The following FMO2 variants were observed in gnomAD, a reference collection of about 807,000 sequenced individuals.
The protein encoded by FMO2 is flavin containing dimethylaniline monoxygenase 2, also known as flavin-containing monooxygenase 2.
In FMO2, 33 loss-of-function variants were observed where a neutral mutation model predicts 41.6. That is an observed-to-expected ratio of 0.79 (90% CI 0.60 to 1.06). The LOEUF is 1.06. Among genes scored for constraint, FMO2 ranks in the 50% least tolerant of loss-of-function variants. The pLI is 0.00. For synonymous variants in FMO2, 214 were observed against 219.6 expected (o/e 0.97, Z 0.23); for missense variants, 619 against 632.9 (o/e 0.98, Z 0.23).
chr1:171,196,654 T>C lies in FMO2; in HGVS notation c.327T>C (p.Thr109=). The stretch of plus-strand genomic sequence containing the variant: ...CTTCTCTGTGTTTCTTCAAGACAAC[T>C]GTCCTTAGTGTGAGAAAATGTCCAG... ...DLLKYIQFQT[T]VLSVRKCPDF... is the part of the protein sequence containing the mutation. Residue 109 remains threonine, a synonymous_variant, in exon 4 of 9, where the codon ACT becomes ACC. Transcript: ENST00000209929. The C allele has an allele frequency of 6.2e-7, 1 of 1,608,960 alleles. No homozygotes were observed. The highest frequency in any genetic ancestry group is 8.5e-7 in the Non-Finnish European group (1 of 1,179,548).
At chr1:171,189,659 C>CTTTTTTTTTTTT (rs397827245) in intron 2 of FMO2, among the ~76,000 whole-genome samples, 7 of 121,486 alleles carry the variant, frequency 5.8e-5, no homozygotes, top group South Asian at 2.8e-4. Flanking sequence ...TTTTTCTTTT[C>CTTTTTTTTTTTT]TTTTTTTTTT....
intron 8 of FMO2, among the ~76,000 whole-genome samples, chr1:171,208,301 G>A (rs991565777): frequency 6.6e-6 from 1 of 152,192 alleles, no homozygotes; most frequent in Middle Eastern, 3.4e-3. Flanking sequence ...AGTTGATTTG[G>A]GGCTTACATC....
intron 5 of FMO2, among the ~76,000 whole-genome samples, chr1:171,203,159 A>G (rs1229683473): frequency 6.6e-6 from 1 of 152,136 alleles, no homozygotes; most frequent in Non-Finnish European, 1.5e-5. Flanking sequence ...CCTGGGCAAC[A>G]TAATGAGACC....
chr1:171,193,757 T>C (rs1159747782), intron 3 of FMO2, among the ~76,000 whole-genome samples: 2 of 150,516 alleles, frequency 1.3e-5, no homozygotes, highest in African/African-American at 4.9e-5. Flanking sequence ...GTTTGAATAA[T>C]AATATATTGA....
At chr1:171,194,198 T>C (rs1318712441) in intron 3 of FMO2, among the ~76,000 whole-genome samples, 4 of 152,222 alleles carry the variant, frequency 2.6e-5, no homozygotes, top group Non-Finnish European at 5.9e-5. Context: ...TTCATAGAAA[T>C]GGGATTTCTT....
chr1:171,198,272 T>C (rs888112135), intron 4 of FMO2, among the ~76,000 whole-genome samples: 3 of 152,344 alleles, frequency 2.0e-5, no homozygotes, highest in Non-Finnish European at 2.9e-5. Flanking sequence ...AACCAACTCC[T>C]ATGTGCCTGG....
At position 171,211,059 on chromosome 1, in the gene FMO2, T is replaced by C. The variant is rs1658959734; in HGVS notation, c.*1914T>C. 1 of 152,176 alleles carries C rather than the reference T, an allele frequency of 6.6e-6. No individual in the cohort carries two copies. Among genetic ancestry groups the C allele is most frequent in the Non-Finnish European group, 1.5e-5 (1 of 68,024 alleles). 9.4% of individuals were successfully genotyped at this position (152,176 alleles called of 1,614,324 possible). On this transcript the variant is annotated 3_prime_UTR_variant, in exon 9 of 9. Transcript: ENST00000209929. Reference sequence around the variant, plus strand: ...GTAAATGAGGTATATACTTAGTTCTTGGTTAAAAAATATATTGCTTTGTTA... The same window carrying C: ...GTAAATGAGGTATATACTTAGTTCTCGGTTAAAAAATATATTGCTTTGTTA...
At chr1:171,201,971 G>A (rs1459017234) in intron 5 of FMO2, among the ~76,000 whole-genome samples, 1 of 152,110 alleles carries the variant, frequency 6.6e-6, no homozygotes, top group Non-Finnish European at 1.5e-5. Context: ...TATAATTTAA[G>A]GTGAGATGTG....
intron 2 of FMO2, among the ~76,000 whole-genome samples, chr1:171,187,790 T>A (rs183401874): frequency 2.6e-5 from 4 of 152,234 alleles, no homozygotes. Context: ...AAAAATCTGA[T>A]CATTCTACTA....
intron 4 of FMO2, chr1:171,199,109 C>T (rs1314800919): frequency 2.9e-6 from 1 of 346,844 alleles, no homozygotes; most frequent in African/African-American, 2.1e-5. Flanking sequence ...CACTATGCTG[C>T]TCAGGCTGGT....
chr1:171,196,349 G>A (rs1253832127), intron 3 of FMO2, among the ~76,000 whole-genome samples: 2 of 152,208 alleles, frequency 1.3e-5, no homozygotes, highest in African/African-American at 2.4e-5. Context: ...TTTGTGTAAG[G>A]TGGTGGTTTT....
chr1:171,197,457 G>T (rs1658350811), intron 4 of FMO2, among the ~76,000 whole-genome samples: 1 of 152,182 alleles, frequency 6.6e-6, no homozygotes, highest in African/African-American at 2.4e-5. Context: ...TTGCTCAGGT[G>T]ATTTTAATAT....
At chr1:171,195,272 T>C (rs1658257910) in intron 3 of FMO2, among the ~76,000 whole-genome samples, 1 of 152,240 alleles carries the variant, frequency 6.6e-6, no homozygotes, top group African/African-American at 2.4e-5. Flanking sequence ...TTGCTTATGA[T>C]TGTCAATGTA....
intron 4 of FMO2, among the ~76,000 whole-genome samples, chr1:171,197,665 G>C (rs1571281109): frequency 6.6e-6 from 1 of 152,222 alleles, no homozygotes; most frequent in Non-Finnish European, 1.5e-5. Flanking sequence ...GGGCCTTTAA[G>C]AGGTGATTGA....
intron 3 of FMO2, among the ~76,000 whole-genome samples, chr1:171,194,090 A>G (rs1404087850): frequency 6.6e-6 from 1 of 152,210 alleles, no homozygotes; most frequent in African/African-American, 2.4e-5. Flanking sequence ...TCAAAAATTC[A>G]TTTAAACTAA....
At chr1:171,207,368 C>T (rs1466711156) in intron 7 of FMO2, among the ~76,000 whole-genome samples, 1 of 152,144 alleles carries the variant, frequency 6.6e-6, no homozygotes, top group Non-Finnish European at 1.5e-5. Context: ...TAAATCTGAT[C>T]TTCTCACTTC....
At chr1:171,196,958 C>A in intron 4 of FMO2, 147 bp downstream of exon 4, 1 of 654,684 alleles carries the variant, frequency 1.5e-6, no homozygotes, top group Non-Finnish European at 2.6e-6. Flanking sequence ...TGAAAGACAC[C>A]AAACATCATC....
chr1:171,211,995 T>A lies in FMO2; in HGVS notation c.*2850T>A, dbSNP rs981867488. ...TGCTTTCAGAGAGTAGCCCATGAAA[T>A]TTCCCATTCTTCAAGGACAAATTCC... On this transcript the variant is annotated 3_prime_UTR_variant, in exon 9 of 9. Coordinates refer to ENST00000209929, the MANE Select transcript of FMO2 (RefSeq NM_001460.5). Among the ~76,000 whole-genome samples, 1 of 152,172 alleles carries A rather than the reference T, an allele frequency of 6.6e-6. No individual in the cohort carries two copies. The highest frequency in any genetic ancestry group is 2.4e-5 in the African/African-American group (1 of 41,460).
intron 2 of FMO2, among the ~76,000 whole-genome samples, chr1:171,186,608 G>T (rs945705636): frequency 3.9e-5 from 6 of 152,244 alleles, no homozygotes; most frequent in Admixed American, 2.0e-4. Context: ...CAGCATGAGG[G>T]TAGCTGCCCC....
Sources: allele counts gnomAD v4.1 joint callset (sites outside exome capture counted in the v4.1 genomes callset), GRCh38; gene constraint gnomAD v4.1.1; transcripts MANE v1.5; gene names NCBI Gene and HGNC (gene_info 2026-07-23, HGNC 2026-07-21).